The following UBA2 variants were observed in gnomAD, a reference collection of about 807,000 sequenced individuals.
The protein encoded by UBA2 is ubiquitin like modifier activating enzyme 2, also known as SUMO-activating enzyme subunit 2.
Under a neutral mutation model 77.2 loss-of-function variants are expected in UBA2, and 11 were observed. That is an observed-to-expected ratio of 0.14 (90% CI 0.09 to 0.24). UBA2 has a LOEUF of 0.24. UBA2 is among the 10% of genes least tolerant of loss of function. The pLI, the probability that UBA2 is intolerant of heterozygous loss-of-function variation, is 1.00. For synonymous variants in UBA2, 278 were observed against 276.7 expected (o/e 1.00, Z -0.05); for missense variants, 487 against 781.7 (o/e 0.62, Z 4.50).
At chr19:34,468,241 G>C (rs1057010819) in intron 16 of UBA2, among the ~76,000 whole-genome samples, 6 of 152,020 alleles carry the variant, frequency 3.9e-5, no homozygotes, top group African/African-American at 1.5e-4. Context: ...TTTACTCTTG[G>C]CTCTAATGTT....
intron 9 of UBA2, among the ~76,000 whole-genome samples, chr19:34,451,536 G>GTTTTTTTTT (rs773178552): frequency 1.6e-5 from 1 of 62,964 alleles, no homozygotes; most frequent in Non-Finnish European, 2.9e-5. Context: ...AGGTTTAACA[G>GTTTTTTTTT]TTTTTTTTTT....
chr19:34,465,360 C>A (rs1361323504), intron 15 of UBA2, among the ~76,000 whole-genome samples: 1 of 151,498 alleles, frequency 6.6e-6, no homozygotes, highest in African/African-American at 2.4e-5. Context: ...GGAAGGAGGC[C>A]AGGTGCGATG....
intron 12 of UBA2, among the ~76,000 whole-genome samples, chr19:34,458,558 C>CAAA (rs60349858): frequency 8.7e-4 from 53 of 60,636 alleles, no homozygotes; most frequent in African/African-American, 2.7e-3. Flanking sequence ...GACTCCGTCT[C>CAAA]AAAAAAAAAA....
At chr19:34,456,100 C>T (rs1049286371) in intron 12 of UBA2, among the ~76,000 whole-genome samples, 19 of 55,784 alleles carry the variant, frequency 3.4e-4, no homozygotes, top group South Asian at 7.7e-4. Context: ...TTTTCCTTTT[C>T]TTTTTCTTTT....
At chr19:34,434,833 T>C (rs760541239) in intron 4 of UBA2, 35 bp from the exon 5 acceptor site, 4 of 1,513,082 alleles carry the variant, frequency 2.6e-6, no homozygotes, top group Admixed American at 3.8e-5. Flanking sequence ...AATTTTTTTT[T>C]TCCCAAAAAC....
At chr19:34,442,756 A>G (rs1272695255) in intron 6 of UBA2, among the ~76,000 whole-genome samples, 2 of 152,202 alleles carry the variant, frequency 1.3e-5, no homozygotes, top group Non-Finnish European at 2.9e-5. Context: ...TATAACCTCA[A>G]TAAACCTGTT....
chr19:34,455,635 A>G (rs2075549985), intron 12 of UBA2, among the ~76,000 whole-genome samples: 1 of 152,084 alleles, frequency 6.6e-6, no homozygotes, highest in Non-Finnish European at 1.5e-5. Context: ...AGTGTCATTG[A>G]TGCACACTTA....
chr19:34,467,128 G>T, intron 16 of UBA2, 114 bp downstream of exon 16: 1 of 1,269,122 alleles, frequency 7.9e-7, no homozygotes, highest in Non-Finnish European at 1.1e-6. Context: ...GGTGTGTATT[G>T]GTTTGGTATT....
chr19:34,451,835 CGTGCCT>C, intron 9 of UBA2, 140 bp from the exon 10 acceptor site: 1 of 438,526 alleles, frequency 2.3e-6, no homozygotes, highest in Non-Finnish European at 3.8e-6. Context: ...CGTGAGCCAC[CGTGCCT>C]GGCCCCATGA....
At chr19:34,466,231 G>A (rs962143363) in intron 15 of UBA2, among the ~76,000 whole-genome samples, 6 of 152,130 alleles carry the variant, frequency 3.9e-5, no homozygotes, top group African/African-American at 7.2e-5. Context: ...CTGCTTGGGA[G>A]GCTGAGGCAG....
chr19:34,460,124 C>G (rs1305350661), intron 13 of UBA2, among the ~76,000 whole-genome samples: 1 of 152,172 alleles, frequency 6.6e-6, no homozygotes, highest in South Asian at 2.1e-4. Context: ...ATCTATGAAA[C>G]CCCTGCCATT....
chr19:34,459,358 G>C (rs1423377872), intron 13 of UBA2, among the ~76,000 whole-genome samples: 3 of 152,178 alleles, frequency 2.0e-5, no homozygotes, highest in South Asian at 2.1e-4. Context: ...GTATTAAAGG[G>C]TATAAGTAAC....
At chr19:34,467,364 C>A (rs533407651) in intron 16 of UBA2, among the ~76,000 whole-genome samples, 1 of 151,232 alleles carries the variant, frequency 6.6e-6, no homozygotes, top group African/African-American at 2.4e-5. Context: ...CTCCGCTACT[C>A]AGGAGGCTGA....
In UBA2 at chr19:34,433,329, T is replaced by C. The variant is rs756104810; in HGVS notation, c.294-19T>C. The C allele has an allele frequency of 6.3e-7, 1 of 1,597,512 alleles. No homozygotes were observed. Among genetic ancestry groups the C allele is most frequent in the African/African-American group, 1.3e-5 (1 of 74,404 alleles). On this transcript the variant is annotated intron_variant, in intron 3 of 16. Transcript: ENST00000246548. The stretch of plus-strand genomic sequence containing the variant: ...GAAGGCTAGTTATTTTGGTGACCTT[T>C]TTTTATTTTGTTTTGTAGCCCTGAC...
At chr19:34,439,481 A>G (rs960397125) in intron 6 of UBA2, among the ~76,000 whole-genome samples, 3 of 152,204 alleles carry the variant, frequency 2.0e-5, no homozygotes, top group Non-Finnish European at 4.4e-5. Context: ...TAATTACTAA[A>G]TCTTTACTAA....
rs200021555 is a variant in UBA2, at chr19:34,431,648, CA to C, written c.223-212del. ...GAAGTGTGTTTGGTGGTACGTGGGT[CA>C]GGGGGGGCTCTCCGGTTATTTTATA... On this transcript the variant is annotated intron_variant, in intron 2 of 16. Transcript: ENST00000246548. Among the ~76,000 whole-genome samples, 1,399 of 152,110 alleles carry C rather than the reference CA, an allele frequency of 9.2e-3. 10 individuals carry two copies. Among genetic ancestry groups the C allele is most frequent in the African/African-American group, 0.016 (650 of 41,494 alleles).
Position 34,437,284 on chromosome 19 carries a change from G to A in UBA2, c.460-1361G>A, listed in dbSNP as rs2075319050. Among the ~76,000 whole-genome samples the A allele has an allele frequency of 3.3e-5, 5 of 150,516 alleles. No individual in the cohort carries two copies. The South Asian group carries it at 1.1e-3, about 32-fold the overall frequency. On this transcript the variant is annotated intron_variant, in intron 5 of 16. Coordinates refer to ENST00000246548, the MANE Select transcript of UBA2 (RefSeq NM_005499.3). ...GCCAGACATTGCTTTTTATATCCTT[G>A]TTACTGTGATTCTGACACACCACTG...
chr19:34,441,836 G>A (rs1057392376), intron 6 of UBA2, among the ~76,000 whole-genome samples: 8 of 151,334 alleles, frequency 5.3e-5, no homozygotes, highest in Non-Finnish European at 1.2e-4. Flanking sequence ...CATGAGAGCC[G>A]CTTGAACCTG....
intron 10 of UBA2, among the ~76,000 whole-genome samples, chr19:34,453,257 G>A (rs2145543191): frequency 6.6e-6 from 1 of 152,284 alleles, no homozygotes; most frequent in South Asian, 2.1e-4. Flanking sequence ...TATGCTCTCA[G>A]TATTTTTTCT....
Sources: gnomAD v4.1 joint callset for allele counts (sites outside exome capture counted in the v4.1 genomes callset) on GRCh38, gnomAD v4.1.1 for gene constraint, MANE v1.5 for transcripts, NCBI Gene and HGNC (gene_info 2026-07-23, HGNC 2026-07-21) for gene names.